MYRIP: variants seen among roughly 807,000 people sequenced by gnomAD.
MYRIP encodes rab effector MyRIP.
Under a neutral mutation model 98.0 loss-of-function variants are expected in MYRIP, and 49 were observed. The observed-to-expected ratio is 0.50, with a 90% confidence interval of 0.40 to 0.63. The LOEUF is 0.63. Among genes scored for constraint, MYRIP ranks in the 30% least tolerant of loss-of-function variants. The pLI is 0.00. For synonymous variants in MYRIP, 404 were observed against 409.5 expected (o/e 0.99, Z 0.16); for missense variants, 1,004 against 1,058.2 (o/e 0.95, Z 0.71).
chr3:40,150,607 G>A (rs891082404), intron 3 of MYRIP, among the ~76,000 whole-genome samples: 1 of 152,216 alleles, frequency 6.6e-6, no homozygotes, highest in East Asian at 1.9e-4. Flanking sequence ...GGTTTAAAAT[G>A]TCAAGCATTT....
intron 1 of MYRIP, among the ~76,000 whole-genome samples, chr3:39,886,651 T>A (rs961558266): frequency 6.6e-5 from 10 of 152,036 alleles, no homozygotes; most frequent in Admixed American, 5.9e-4. Flanking sequence ...ATCCTAAATA[T>A]ATATGCACCC....
chr3:39,958,791 G>A (rs1176114339), intron 2 of MYRIP, among the ~76,000 whole-genome samples: 1 of 152,142 alleles, frequency 6.6e-6, no homozygotes, highest in Non-Finnish European at 1.5e-5. Flanking sequence ...CTGACAAAGG[G>A]CTAATATCCA....
intron 2 of MYRIP, among the ~76,000 whole-genome samples, chr3:39,914,602 T>C (rs1944109342): frequency 6.6e-6 from 1 of 152,010 alleles, no homozygotes; most frequent in Non-Finnish European, 1.5e-5. Flanking sequence ...CTAAAGAACA[T>C]TAAATTTGAC....
intron 2 of MYRIP, among the ~76,000 whole-genome samples, chr3:40,043,077 A>G (rs149894850): frequency 2.8e-4 from 43 of 152,212 alleles, no homozygotes; most frequent in Admixed American, 1.4e-3. Flanking sequence ...TAGTTTCTGC[A>G]TCATCAAAAA....
At chr3:39,994,824 C>A (rs551777997) in intron 2 of MYRIP, among the ~76,000 whole-genome samples, 1 of 152,314 alleles carries the variant, frequency 6.6e-6, no homozygotes, top group African/African-American at 2.4e-5. Flanking sequence ...CGACTGGGTA[C>A]TCCTCTCACA....
intron 1 of MYRIP, among the ~76,000 whole-genome samples, chr3:39,900,299 G>C (rs562595297): frequency 6.6e-6 from 1 of 151,402 alleles, no homozygotes; most frequent in African/African-American, 2.4e-5. Flanking sequence ...ATAGTCATAT[G>C]GTTAAAACTT....
rs539247486 is a variant in MYRIP at position 39,998,952 on chromosome 3, G to C, written c.111-45098G>C. Among the ~76,000 whole-genome samples, 14 of 152,292 alleles carry C rather than the reference G, an allele frequency of 9.2e-5. No individual in the cohort carries two copies. The East Asian group carries it at 2.5e-3, about 27-fold the overall frequency. ...AAGGATTCCCTCTTTAATAAATGGG[G>C]CTGGGAAAACTGGCTAGCCACATGT... On this transcript the variant is annotated intron_variant, in intron 2 of 16. Coordinates refer to ENST00000302541, the MANE Select transcript of MYRIP (RefSeq NM_015460.4).
intron 2 of MYRIP, among the ~76,000 whole-genome samples, chr3:39,962,466 TTC>T (rs760187034): frequency 0.17 from 11,687 of 67,556 alleles, 987 homozygotes; most frequent in African/African-American, 0.46. Flanking sequence ...TTTTTTTTTT[TTC>T]CACTTGTTCA....
chr3:40,154,031 T>G (rs905363447), intron 4 of MYRIP, among the ~76,000 whole-genome samples: 11 of 151,958 alleles, frequency 7.2e-5, no homozygotes, highest in African/African-American at 2.7e-4. Flanking sequence ...TCCCAGCTAC[T>G]TGGGAGGCTG....
intron 11 of MYRIP, among the ~76,000 whole-genome samples, chr3:40,226,055 C>T (rs144246786): frequency 2.5e-4 from 38 of 152,230 alleles, no homozygotes; most frequent in African/African-American, 8.7e-4. Context: ...CTTGATTGTA[C>T]TGCAGCCAAT....
At chr3:40,109,794 A>T (rs920256404) in intron 3 of MYRIP, among the ~76,000 whole-genome samples, 1 of 152,164 alleles carries the variant, frequency 6.6e-6, no homozygotes, top group African/African-American at 2.4e-5. Flanking sequence ...CTCCCCTAGG[A>T]CTTGGCCTGA....
intron 2 of MYRIP, among the ~76,000 whole-genome samples, chr3:39,908,058 C>T (rs1345431951): frequency 6.6e-6 from 1 of 152,190 alleles, no homozygotes. Context: ...TTACTATGTG[C>T]TTGCCAAAAG....
At chr3:40,094,766 G>C (rs934035935) in intron 3 of MYRIP, among the ~76,000 whole-genome samples, 1 of 152,232 alleles carries the variant, frequency 6.6e-6, no homozygotes, top group Non-Finnish European at 1.5e-5. Flanking sequence ...ACATTCAAGA[G>C]TAGACTGGAT....
chr3:40,090,349 T>C (rs746775457), intron 3 of MYRIP, among the ~76,000 whole-genome samples: 2 of 152,074 alleles, frequency 1.3e-5, no homozygotes, highest in Non-Finnish European at 2.9e-5. Context: ...GCCCTTGGAA[T>C]TGGAGAGCAT....
intron 3 of MYRIP, among the ~76,000 whole-genome samples, chr3:40,115,055 T>C (rs1295169549): frequency 6.6e-6 from 1 of 152,154 alleles, no homozygotes; most frequent in Non-Finnish European, 1.5e-5. Flanking sequence ...AAGAATGAAG[T>C]ATTTCTGATA....
At chr3:39,872,400 A>G (rs549415146) in intron 1 of MYRIP, among the ~76,000 whole-genome samples, 7 of 151,958 alleles carry the variant, frequency 4.6e-5, no homozygotes, top group Admixed American at 3.9e-4. Flanking sequence ...GGTTAGTTAC[A>G]TATGTATACA....
chr3:40,089,070 C>T (rs951335820), intron 3 of MYRIP, among the ~76,000 whole-genome samples: 1 of 152,034 alleles, frequency 6.6e-6, no homozygotes, highest in African/African-American at 2.4e-5. Context: ...CCCAGGGAGG[C>T]GGCCCCAGAA....
chr3:40,037,781 G>A (rs1947416808), intron 2 of MYRIP, among the ~76,000 whole-genome samples: 1 of 152,092 alleles, frequency 6.6e-6, no homozygotes, highest in Non-Finnish European at 1.5e-5. Context: ...TCACAAGAAT[G>A]TAACCATTTA....
chr3:39,852,717 C>CTCTCT (rs1347301970), intron 1 of MYRIP, among the ~76,000 whole-genome samples: 2 of 151,834 alleles, frequency 1.3e-5, no homozygotes, highest in African/African-American at 4.8e-5. Context: ...ACTATTTCTT[C>CTCTCT]TCTCCTCTCC....
Sources: allele counts gnomAD v4.1 joint callset (sites outside exome capture counted in the v4.1 genomes callset), GRCh38; gene constraint gnomAD v4.1.1; transcripts MANE v1.5; gene names NCBI Gene and HGNC (gene_info 2026-07-23, HGNC 2026-07-21).